Variants in POLD3 observed in about 807,000 individuals in gnomAD.
The protein encoded by POLD3 is DNA polymerase delta subunit 3.
Under a neutral mutation model 58.2 loss-of-function variants are expected in POLD3, and 19 were observed. That is an observed-to-expected ratio of 0.33 (90% CI 0.23 to 0.48). The LOEUF (loss-of-function observed/expected upper bound fraction) is 0.48, where lower values mean the gene tolerates loss of function less well. Among genes scored for constraint, POLD3 ranks in the 20% least tolerant of loss-of-function variants. The pLI is 0.99. For missense variants in POLD3, 504 were observed against 545.5 expected (o/e 0.92, Z 0.76); for synonymous variants, 172 against 193.5 (o/e 0.89, Z 0.92).
chr11:74,611,243 T>C (rs1381086293), intron 3 of POLD3, among the ~76,000 whole-genome samples: 1 of 152,234 alleles, frequency 6.6e-6, no homozygotes, highest in Non-Finnish European at 1.5e-5. Context: ...ATTTTTTTAA[T>C]TGTAGTACTG....
At chr11:74,607,849 C>T (rs578097344) in intron 3 of POLD3, among the ~76,000 whole-genome samples, 3 of 152,066 alleles carry the variant, frequency 2.0e-5, no homozygotes, top group African/African-American at 4.8e-5. Flanking sequence ...CTGCCCTTCT[C>T]GGCCTTTCAA....
chr11:74,639,627 T>C (rs980825627), intron 11 of POLD3, among the ~76,000 whole-genome samples: 10 of 152,214 alleles, frequency 6.6e-5, no homozygotes, highest in African/African-American at 2.4e-4. Context: ...TTGTGGTTGG[T>C]ATATGTGTTG....
chr11:74,649,973 A>G (rs1024290783), intron 4 of POLD3, among the ~76,000 whole-genome samples: 15 of 152,230 alleles, frequency 9.9e-5, no homozygotes, highest in African/African-American at 3.4e-4. Flanking sequence ...ACTGGAGTTC[A>G]TGCCCTTTTA....
intron 3 of POLD3, among the ~76,000 whole-genome samples, chr11:74,611,172 C>T (rs2031898406): frequency 6.6e-6 from 1 of 152,128 alleles, no homozygotes; most frequent in Non-Finnish European, 1.5e-5. Flanking sequence ...TGTGATTATA[C>T]AGTAATTCTT....
intron 3 of POLD3, among the ~76,000 whole-genome samples, chr11:74,609,586 T>G (rs1423729191): frequency 1.3e-5 from 2 of 151,390 alleles, no homozygotes; most frequent in Non-Finnish European, 2.9e-5. Context: ...CTTTGCCATC[T>G]CGGCCAGGCT....
chr11:74,603,506 A>T (rs2031571184), intron 2 of POLD3, among the ~76,000 whole-genome samples: 1 of 152,164 alleles, frequency 6.6e-6, no homozygotes, highest in Non-Finnish European at 1.5e-5. Context: ...TTTGCCCAGG[A>T]TGGTTGGTTT....
rs1202426924 is a variant in POLD3 at position 74,665,391 on chromosome 11, A to ATTTTTTTTTTTT, written c.370-3374_370-3363dup. 9.6e-5 allele frequency among the ~76,000 whole-genome samples: 8 copies of ATTTTTTTTTTTT among 83,308 alleles called. 1 individual carries two copies. The highest frequency in any genetic ancestry group is 4.0e-4 in the African/African-American group (8 of 19,960). The allele number at this position is 83,308 out of a possible 152,430, so 54.7% of individuals were successfully genotyped here. ...TGACAAAATCTAGCACCCTTTTATAATTTTTTTTTTTTTTTTTTTTTTTGA... is the reference window on the plus strand; with the variant it reads ...TGACAAAATCTAGCACCCTTTTATAATTTTTTTTTTTTTTTTTTTTTTTTTTTTTTTTTTTGA... On this transcript the variant is annotated intron_variant, in intron 4 of 4. Coordinates refer to the POLD3 transcript ENST00000524752.
Position 74,642,081 on chromosome 11 carries a change from CT to C in POLD3, c.*1316del. 1 of 985,408 alleles carries C rather than the reference CT, an allele frequency of 1.0e-6. No homozygotes were observed. Among genetic ancestry groups the C allele is most frequent in the South Asian group, 4.7e-5 (1 of 21,282 alleles). The allele number at this position is 985,408 out of a possible 1,614,324, so 61.0% of individuals were successfully genotyped here. ...CTCACACGTAGCAGACAAGGGGTGT[CT>C]GACTGGCTTCTTTTGCCTCAAGATG... On this transcript the variant is annotated 3_prime_UTR_variant, in exon 12 of 12. Transcript: ENST00000263681.
At position 74,641,866 on chromosome 11, in the gene POLD3, G is replaced by A; in HGVS notation, c.*1100G>A. ...AGGATGGAGAGGGAGAGACTGAATT[G>A]TTAGTAGGTCTAAACATCAAAGAAA... On this transcript the variant is annotated 3_prime_UTR_variant, in exon 12 of 12. Coordinates refer to ENST00000263681, the MANE Select transcript of POLD3 (RefSeq NM_006591.3). The A allele has an allele frequency of 6.1e-6, 6 of 985,286 alleles. No homozygotes were observed. The highest frequency in any genetic ancestry group is 3.6e-6 in the Non-Finnish European group (3 of 829,830). 61.0% of individuals were successfully genotyped at this position (985,286 alleles called of 1,614,324 possible).
At chr11:74,595,138 T>A (rs2031185553) in intron 2 of POLD3, 1 of 152,018 alleles carries the variant, frequency 6.6e-6, no homozygotes, top group South Asian at 2.1e-4. Flanking sequence ...ACACTGTTTT[T>A]TCCCTCAGAC....
intron 4 of POLD3, among the ~76,000 whole-genome samples, chr11:74,656,371 G>A (rs1395830443): frequency 2.6e-5 from 4 of 152,112 alleles, no homozygotes; most frequent in Non-Finnish European, 4.4e-5. Context: ...GGTGGATCAC[G>A]AGATCAGAAG....
chr11:74,610,468 C>T (rs1037242573), intron 3 of POLD3, among the ~76,000 whole-genome samples: 5 of 152,184 alleles, frequency 3.3e-5, no homozygotes, highest in African/African-American at 1.2e-4. Context: ...CTCGGCCTCC[C>T]AAAGTACTGG....
At chr11:74,627,844 C>T (rs533032125) in intron 8 of POLD3, among the ~76,000 whole-genome samples, 18 of 152,214 alleles carry the variant, frequency 1.2e-4, no homozygotes, top group African/African-American at 4.3e-4. Context: ...ACAGTGAAGT[C>T]ACCTAACAAT....
chr11:74,642,581 C>G lies in POLD3; in HGVS notation c.*1815C>G, dbSNP rs1447525669. On this transcript the variant is annotated 3_prime_UTR_variant, in exon 12 of 12. Coordinates refer to ENST00000263681, the MANE Select transcript of POLD3 (RefSeq NM_006591.3). ...CCATCTTGCAAGGGATAATACAAAT[C>G]CTATGATCTCTATGCCCAATATGCT... The G allele has an allele frequency of 2.0e-6, 2 of 985,166 alleles. No homozygotes were observed. The highest frequency in any genetic ancestry group is 2.4e-6 in the Non-Finnish European group (2 of 829,806). 61.0% of individuals were successfully genotyped at this position (985,166 alleles called of 1,614,324 possible).
In POLD3 at chr11:74,629,232, A is replaced by G. The variant is rs764105986; in HGVS notation, c.915A>G (p.Ala305=). 4 of 1,601,088 alleles carry G rather than the reference A, an allele frequency of 2.5e-6. No homozygotes were observed. Among genetic ancestry groups the G allele is most frequent in the African/African-American group, 1.4e-5 (1 of 74,026 alleles). Reference sequence around the variant, plus strand: ...ATGGCAACAGGGGGAAGCGAGTAGCATTATCTGATGATGAGACAAAGGAAA... The same window carrying G: ...ATGGCAACAGGGGGAAGCGAGTAGCGTTATCTGATGATGAGACAAAGGAAA... ...QKEKKRGKRV[A]LSDDETKETE... Residue 305 remains alanine, a synonymous_variant, in exon 9 of 12, where the codon GCA becomes GCG. Coordinates refer to ENST00000263681, the MANE Select transcript of POLD3 (RefSeq NM_006591.3).
chr11:74,608,409 C>T (rs1225183344), intron 3 of POLD3, among the ~76,000 whole-genome samples: 1 of 152,110 alleles, frequency 6.6e-6, no homozygotes, highest in Non-Finnish European at 1.5e-5. Flanking sequence ...GCATGAACCA[C>T]GGCACCTGGC....
chr11:74,628,225 T>A (rs1052172313), intron 8 of POLD3, among the ~76,000 whole-genome samples: 24 of 152,162 alleles, frequency 1.6e-4, no homozygotes, highest in African/African-American at 4.8e-4. Flanking sequence ...CATTCCTGAT[T>A]GATAATTTAT....
chr11:74,630,006 A>G (rs553166316), intron 9 of POLD3, among the ~76,000 whole-genome samples: 4 of 152,302 alleles, frequency 2.6e-5, no homozygotes, highest in African/African-American at 9.6e-5. Context: ...CAGTGGTGAA[A>G]AGTTTGAACT....
At chr11:74,629,179 CT>C (rs1565124357) in intron 8 of POLD3, 37 bp from the exon 9 acceptor site, 1 of 1,218,360 alleles carries the variant, frequency 8.2e-7, no homozygotes, top group Admixed American at 2.2e-5. Context: ...CATTTTTGTT[CT>C]GTGTAACACG....
Sources: gnomAD v4.1 joint callset for allele counts (sites outside exome capture counted in the v4.1 genomes callset) on GRCh38, gnomAD v4.1.1 for gene constraint, MANE v1.5 for transcripts, NCBI Gene and HGNC (gene_info 2026-07-23, HGNC 2026-07-21) for gene names.